TNR: variants seen among roughly 807,000 people sequenced by gnomAD.
TNR encodes the protein tenascin-R.
Under a neutral mutation model 150.4 loss-of-function variants are expected in TNR, and 45 were observed. The observed-to-expected ratio is 0.30, with a 90% CI of 0.24 to 0.38. The LOEUF (loss-of-function observed/expected upper bound fraction) is 0.38, where lower values mean the gene tolerates loss of function less well. Among genes scored for constraint, TNR ranks in the 10% least tolerant of loss-of-function variants. The probability of loss-of-function intolerance (pLI) is 1.00; values close to 1 mark genes in which losing one functional copy is unlikely to be tolerated. For missense variants in TNR, 1,544 were observed against 1,759.1 expected, an observed-to-expected ratio of 0.88 and a Z score of 2.19; for synonymous variants, 687 against 678.4, an observed-to-expected ratio of 1.01 and a Z score of -0.20.
At chr1:175,577,535 A>C (rs922778280) in intron 1 of TNR, among the ~76,000 whole-genome samples, 2 of 152,086 alleles carry the variant, frequency 1.3e-5, no homozygotes, top group Non-Finnish European at 2.9e-5. Context: ...ACTGCCCCAC[A>C]CAAGCCTTGG....
intron 2 of TNR, among the ~76,000 whole-genome samples, chr1:175,445,229 C>T (rs530365387): frequency 3.9e-5 from 6 of 152,176 alleles, no homozygotes; most frequent in African/African-American, 1.2e-4. Flanking sequence ...AAGATCGCAC[C>T]ACTTCATTCC....
In TNR at chr1:175,340,911, C is replaced by A. The variant is rs139478547; in HGVS notation, c.3383-3232G>T. 2.1e-3 allele frequency among the ~76,000 whole-genome samples: 324 copies of A among 152,246 alleles called. 1 individual carries two copies. The highest frequency in any genetic ancestry group is 7.4e-3 in the African/African-American group (307 of 41,538). ...TTCCCTCTCCCCCTCTTTCCCTTTC[C>A]CAGTAGGTATGTCTTGAGTGGGCTG... On this transcript the variant is annotated intron_variant, in intron 18 of 22. Transcript: ENST00000367674.
At chr1:175,457,569 G>GT (rs1656621708) in intron 2 of TNR, among the ~76,000 whole-genome samples, 1 of 152,126 alleles carries the variant, frequency 6.6e-6, no homozygotes, top group Non-Finnish European at 1.5e-5. Context: ...TCTATGGTGT[G>GT]TGAGAACATG....
chr1:175,427,548 G>T (rs1309812427), intron 2 of TNR, among the ~76,000 whole-genome samples: 1 of 152,168 alleles, frequency 6.6e-6, no homozygotes, highest in Non-Finnish European at 1.5e-5. Context: ...GTTGGGCAGG[G>T]TAGCTTTAGA....
At chr1:175,596,816 G>C (rs868576291) in intron 1 of TNR, among the ~76,000 whole-genome samples, 8 of 152,086 alleles carry the variant, frequency 5.3e-5, no homozygotes, top group Middle Eastern at 3.4e-3. Flanking sequence ...GAATGATTTT[G>C]GTCAAAACAG....
chr1:175,578,060 G>A (rs138622664), intron 1 of TNR, among the ~76,000 whole-genome samples: 244 of 152,280 alleles, frequency 1.6e-3, no homozygotes, highest in Non-Finnish European at 3.1e-3. Context: ...CCGTGTGCTG[G>A]ATGCTCAATA....
intron 1 of TNR, among the ~76,000 whole-genome samples, chr1:175,714,887 C>G (rs1667113714): frequency 6.6e-6 from 1 of 152,162 alleles, no homozygotes; most frequent in African/African-American, 2.4e-5. Flanking sequence ...CTTTCCTGTC[C>G]CCTTTCCCTG....
chr1:175,487,327 C>G (rs770272755), intron 2 of TNR, among the ~76,000 whole-genome samples: 3 of 152,164 alleles, frequency 2.0e-5, no homozygotes, highest in African/African-American at 4.8e-5. Context: ...ACTGGCCCAC[C>G]ACTCACCTCC....
chr1:175,425,396 G>A (rs1654927369), intron 2 of TNR, among the ~76,000 whole-genome samples: 1 of 152,166 alleles, frequency 6.6e-6, no homozygotes, highest in East Asian at 1.9e-4. Flanking sequence ...TAGATATTAA[G>A]TATTTAACAT....
intron 2 of TNR, among the ~76,000 whole-genome samples, chr1:175,519,396 A>G (rs1195679885): frequency 6.6e-6 from 1 of 152,214 alleles, no homozygotes; most frequent in Non-Finnish European, 1.5e-5. Flanking sequence ...AGCACTTAGC[A>G]TCTGGACAAA....
chr1:175,388,569 C>T (rs1445332987), intron 7 of TNR, among the ~76,000 whole-genome samples: 3 of 152,176 alleles, frequency 2.0e-5, no homozygotes, highest in East Asian at 1.9e-4. Flanking sequence ...GATTGGGAGC[C>T]AACCGTCTAT....
At chr1:175,515,221 A>G (rs1003307991) in intron 2 of TNR, among the ~76,000 whole-genome samples, 1 of 152,176 alleles carries the variant, frequency 6.6e-6, no homozygotes, top group Non-Finnish European at 1.5e-5. Flanking sequence ...AATATTTGCT[A>G]TGCATCTACC....
In TNR at chr1:175,599,244, G is replaced by T. The variant is rs1663130637; in HGVS notation, c.-164-70875C>A. ...GTCAGCTTGGCCTTGGCCACCTCGGGTCACCGCTCCTCCCTTTCAGGCGCC... is the reference window on the plus strand; with the variant it reads ...GTCAGCTTGGCCTTGGCCACCTCGGTTCACCGCTCCTCCCTTTCAGGCGCC... On this transcript the variant is annotated intron_variant, in intron 1 of 22. Coordinates refer to ENST00000367674, the MANE Select transcript of TNR (RefSeq NM_003285.3). The surrounding 1 kb of genome is among the most constrained non-coding windows in gnomAD (Gnocchi z 4.7). Among the ~76,000 whole-genome samples, 1 of 152,198 alleles carries T rather than the reference G, an allele frequency of 6.6e-6. No homozygotes were observed. Among genetic ancestry groups the T allele is most frequent in the Admixed American group, 6.5e-5 (1 of 15,290 alleles).
chr1:175,357,983 T>C (rs1437679272), intron 15 of TNR, among the ~76,000 whole-genome samples: 3 of 152,236 alleles, frequency 2.0e-5, no homozygotes, highest in Non-Finnish European at 4.4e-5. Flanking sequence ...CTGACTGCCT[T>C]CAGGGAAGCT....
At chr1:175,689,544 C>T (rs529532817) in intron 1 of TNR, among the ~76,000 whole-genome samples, 1 of 152,228 alleles carries the variant, frequency 6.6e-6, no homozygotes, top group South Asian at 2.1e-4. Flanking sequence ...TGCGTGTCTT[C>T]CTGGGGTGAT....
intron 2 of TNR, among the ~76,000 whole-genome samples, chr1:175,443,655 C>T (rs933428701): frequency 5.9e-5 from 9 of 152,018 alleles, no homozygotes; most frequent in African/African-American, 2.2e-4. Flanking sequence ...ATTTCTCTGC[C>T]AGAACCAAAG....
intron 1 of TNR, among the ~76,000 whole-genome samples, chr1:175,584,279 T>C (rs879820372): frequency 9.9e-5 from 15 of 152,108 alleles, no homozygotes; most frequent in Admixed American, 2.6e-4. Context: ...GATGATTTGA[T>C]GACATGCAGG....
In TNR at chr1:175,655,327, A is replaced by G. The variant is rs148559015; in HGVS notation, c.-165+87899T>C. 3.2e-3 allele frequency among the ~76,000 whole-genome samples: 486 copies of G among 152,316 alleles called. 3 individuals are homozygous for G. The highest frequency in any genetic ancestry group is 5.0e-3 in the Non-Finnish European group (337 of 68,022). On this transcript the variant is annotated intron_variant, in intron 1 of 22. Transcript: ENST00000367674. ...TTATTTGGACTCCATAATTTTTCCT[A>G]TTAATTCACCCTATGTCCAACTCCA...
At chr1:175,505,252 G>A (rs1009482594) in intron 2 of TNR, among the ~76,000 whole-genome samples, 1 of 152,304 alleles carries the variant, frequency 6.6e-6, no homozygotes, top group Non-Finnish European at 1.5e-5. Flanking sequence ...GCCACAGTAC[G>A]ACAGGAAGCC....
Sources: gnomAD v4.1 joint callset for allele counts (sites outside exome capture counted in the v4.1 genomes callset) on GRCh38, gnomAD v4.1.1 for gene constraint, Gnocchi (gnomAD v3.1) non-coding constraint, MANE v1.5 for transcripts, NCBI Gene and HGNC (gene_info 2026-07-23, HGNC 2026-07-21) for gene names.